ZNF675: variants seen among roughly 807,000 people sequenced by gnomAD.
ZNF675 encodes the protein TRAF6 inhibitory zinc finger.
A neutral mutation model predicts 56.1 loss-of-function variants in ZNF675; 36 were observed. The ratio of observed to expected loss-of-function variants is 0.64; its 90% CI spans 0.49 to 0.85. The LOEUF is 0.85. Among genes scored for constraint, ZNF675 ranks in the 40% least tolerant of loss-of-function variants. The probability of loss-of-function intolerance (pLI) is 0.00; values close to 1 mark genes in which losing one functional copy is unlikely to be tolerated. For synonymous variants in ZNF675, 200 were observed against 218.9 expected, an observed-to-expected ratio of 0.91 and a Z score of 0.76; for missense variants, 663 against 654.2, an observed-to-expected ratio of 1.01 and a Z score of -0.15.
At chr19:23,671,337 T>C (rs1385277389) in intron 1 of ZNF675, among the ~76,000 whole-genome samples, 2 of 151,548 alleles carry the variant, frequency 1.3e-5, no homozygotes, top group Non-Finnish European at 1.5e-5. Context: ...GGAAACAGAG[T>C]GAAGAAAAAC....
chr19:23,672,031 T>C (rs773035641), intron 1 of ZNF675, among the ~76,000 whole-genome samples: 4 of 152,034 alleles, frequency 2.6e-5, no homozygotes, highest in Admixed American at 1.3e-4. Context: ...GCCTAGGTGA[T>C]TGTGAGAGGG....
intron 3 of ZNF675, among the ~76,000 whole-genome samples, chr19:23,657,586 G>A (rs1336478843): frequency 2.0e-5 from 3 of 152,030 alleles, no homozygotes; most frequent in African/African-American, 4.8e-5. Flanking sequence ...GCGTGGTGGC[G>A]CATGCCTGTA....
Position 23,665,343 on chromosome 19 carries a change from C to CAA in ZNF675, c.4-2187_4-2186dup, listed in dbSNP as rs112939315. Reference sequence around the variant, plus strand: ...CTGGGCACAGAGCAAGACCCCACCTCAAAAAAAAAAATCAAACCTGGGCTG... The same window carrying CAA: ...CTGGGCACAGAGCAAGACCCCACCTCAAAAAAAAAAAAATCAAACCTGGGCTG... On this transcript the variant is annotated intron_variant, in intron 1 of 3. Transcript: ENST00000359788. 1.1e-3 allele frequency among the ~76,000 whole-genome samples: 155 copies of CAA among 145,616 alleles called. 2 individuals carry two copies. Among genetic ancestry groups the CAA allele is most frequent in the Middle Eastern group, 3.6e-3 (1 of 274 alleles).
intron 1 of ZNF675, among the ~76,000 whole-genome samples, chr19:23,686,665 ACCCC>A (rs996923588): frequency 9.9e-5 from 15 of 151,996 alleles, no homozygotes; most frequent in African/African-American, 3.6e-4. Context: ...GGAACTGGGA[ACCCC>A]ACGGACCAAA....
intron 1 of ZNF675, among the ~76,000 whole-genome samples, chr19:23,686,006 A>AT (rs1485415395): frequency 2.0e-5 from 3 of 152,110 alleles, no homozygotes; most frequent in African/African-American, 4.8e-5. Flanking sequence ...ACTCAAATGC[A>AT]TTTTTTTGCA....
chr19:23,662,995 A>C lies in ZNF675; in HGVS notation c.130+37T>G, dbSNP rs760537210. ...CAGACTCCGTCTCAAAAGAAAAACAAAAAAAAAAAGAAACTGTGTGTTTAA... is the reference window on the plus strand; with the variant it reads ...CAGACTCCGTCTCAAAAGAAAAACACAAAAAAAAAGAAACTGTGTGTTTAA... On this transcript the variant is annotated intron_variant, in intron 2 of 3. Coordinates refer to ENST00000359788, the MANE Select transcript of ZNF675 (RefSeq NM_138330.3). 19 of 860,236 alleles carry C rather than the reference A, an allele frequency of 2.2e-5. No individual in the cohort carries two copies. In the African/African-American group the frequency reaches 8.6e-4, roughly 39 times the overall value. 53.3% of individuals were successfully genotyped at this position (860,236 alleles called of 1,614,324 possible).
chr19:23,657,453 C>T (rs1220366148), intron 3 of ZNF675, among the ~76,000 whole-genome samples: 4 of 152,148 alleles, frequency 2.6e-5, no homozygotes, highest in African/African-American at 4.8e-5. Flanking sequence ...TGGTGGCTCA[C>T]CCCTTGTAAT....
In ZNF675 at chr19:23,653,369, T is replaced by C. The variant is rs763230009; in HGVS notation, c.1564A>G (p.Lys522Glu). The change falls in exon 4 of 4, where the codon AAA becomes GAA. Residue 522 changes from lysine (K) to glutamate (E), a missense_variant. Physicochemically the swap from Lys to Glu is moderately conservative, Grantham distance 56. This residue lies in a region of ZNF675 where 617 missense variants were observed against 590.5 expected (regional missense o/e 1.04). Coordinates refer to ENST00000359788, the MANE Select transcript of ZNF675 (RefSeq NM_138330.3). The stretch of plus-strand genomic sequence containing the variant: ...TGAATTATCTTATGTTCAGTAAGTT[T>C]TGAGGATCGGCTAAAAGCTTTGCCA... ...ECGKAFSRSS[K>E]LTEHKIIHTG... 10 of 1,613,522 alleles carry C rather than the reference T, an allele frequency of 6.2e-6. No individual in the cohort carries two copies. The African/African-American group carries it at 9.3e-5, about 15-fold the overall frequency.
chr19:23,663,147 T>C lies in ZNF675; in HGVS notation c.15A>G (p.Thr5=), dbSNP rs780679981. The C allele has an allele frequency of 6.2e-7, 1 of 1,608,790 alleles. No individual in the cohort carries two copies. Among genetic ancestry groups the C allele is most frequent in the Non-Finnish European group, 8.5e-7 (1 of 1,177,580 alleles). MGLL[T]FRDVAIEFSL... is the part of the protein sequence containing the mutation. ...AGAATTCTATGGCCACATCCCTAAA[T>C]GTCAACAGTCCCTGAAAAACACATA... The change falls in exon 2 of 4, where the codon ACA becomes ACG. Residue 5 remains threonine, a synonymous_variant. Coordinates refer to ENST00000359788, the MANE Select transcript of ZNF675 (RefSeq NM_138330.3).
chr19:23,660,932 C>T (rs1968068055), intron 3 of ZNF675, among the ~76,000 whole-genome samples: 1 of 119,794 alleles, frequency 8.3e-6, no homozygotes, highest in African/African-American at 3.0e-5. Flanking sequence ...TTGTAATTTT[C>T]TTTTTTTTTT....
intron 1 of ZNF675, among the ~76,000 whole-genome samples, chr19:23,676,598 C>T (rs1968297551): frequency 6.6e-6 from 1 of 151,714 alleles, no homozygotes; most frequent in South Asian, 2.1e-4. Context: ...GAACTACAGA[C>T]AAAAACCACA....
chr19:23,678,054 G>C (rs967546881), intron 1 of ZNF675, among the ~76,000 whole-genome samples: 1 of 151,030 alleles, frequency 6.6e-6, no homozygotes, highest in Non-Finnish European at 1.5e-5. Flanking sequence ...CCAGAGGCGG[G>C]AGGCTGCAGT....
At position 23,687,104 on chromosome 19, in the gene ZNF675, G is replaced by A; in HGVS notation, c.-71C>T. ...AATTTCTGCAGGTCACAGGCCCACA[G>A]AGGCTGGACCTCTAGGAGCAGAGGA... On this transcript the variant is annotated 5_prime_UTR_variant, in exon 1 of 4. Transcript: ENST00000359788. The A allele has an allele frequency of 6.3e-7, 1 of 1,585,436 alleles. No individual in the cohort carries two copies. Among genetic ancestry groups the A allele is most frequent in the Non-Finnish European group, 8.7e-7 (1 of 1,154,816 alleles).
In ZNF675 at chr19:23,653,979, G is replaced by A; in HGVS notation, c.954C>T (p.Gly318=). ...GEQPYICEEC[G]KAFTQSSTLT... ...GGGTTGAGGATTGGGTAAAAGCCTT[G>A]CCACATTCTTCACATATGTAGGGTT... is the stretch of plus-strand genomic sequence containing the variant. Residue 318 remains glycine, a synonymous_variant, in exon 4 of 4, where the codon GGC becomes GGT. Coordinates refer to ENST00000359788, the MANE Select transcript of ZNF675 (RefSeq NM_138330.3). 1 of 1,613,812 alleles carries A rather than the reference G, an allele frequency of 6.2e-7. No individual in the cohort carries two copies. Among genetic ancestry groups the A allele is most frequent in the Non-Finnish European group, 8.5e-7 (1 of 1,179,922 alleles).
At chr19:23,663,457 C>T (rs536549121) in intron 1 of ZNF675, among the ~76,000 whole-genome samples, 1 of 152,088 alleles carries the variant, frequency 6.6e-6, no homozygotes, top group South Asian at 2.1e-4. Flanking sequence ...TTTGGGAGGC[C>T]GAGGCGGGCA....
At chr19:23,657,949 C>T (rs1023314073) in intron 3 of ZNF675, among the ~76,000 whole-genome samples, 2 of 151,566 alleles carry the variant, frequency 1.3e-5, no homozygotes, top group Non-Finnish European at 2.9e-5. Flanking sequence ...AATGGTAAAA[C>T]AAAAAAACAA....
At chr19:23,680,418 T>C (rs1262146062) in intron 1 of ZNF675, among the ~76,000 whole-genome samples, 1 of 151,734 alleles carries the variant, frequency 6.6e-6, no homozygotes, top group Non-Finnish European at 1.5e-5. Flanking sequence ...CCACTATCCT[T>C]AGAAAACTAA....
intron 1 of ZNF675, 54 bp downstream of exon 1, chr19:23,686,977 C>T (rs1968451256): frequency 1.2e-6 from 2 of 1,611,320 alleles, no homozygotes; most frequent in African/African-American, 1.3e-5. Flanking sequence ...CCATTTCCCA[C>T]GGGTTCCAAC....
At chr19:23,675,965 GAA>G (rs36123786) in intron 1 of ZNF675, among the ~76,000 whole-genome samples, 1 of 144,734 alleles carries the variant, frequency 6.9e-6, no homozygotes, top group Admixed American at 6.8e-5. Flanking sequence ...CTAGATTAAT[GAA>G]AAAAAGAGAA....
Sources: gnomAD v4.1 joint callset for allele counts (sites outside exome capture counted in the v4.1 genomes callset) on GRCh38, gnomAD v4.1.1 for gene constraint, gnomAD v4.1.1 regional missense constraint, MANE v1.5 for transcripts, NCBI Gene and HGNC (gene_info 2026-07-23, HGNC 2026-07-21) for gene names.